Variants in PARD3B observed in about 807,000 individuals in gnomAD.
The protein encoded by PARD3B is partitioning defective 3 homolog B.
A neutral mutation model predicts 130.2 loss-of-function variants in PARD3B; 103 were observed. The ratio of observed to expected loss-of-function variants is 0.79; its 90% CI spans 0.67 to 0.93. The LOEUF (loss-of-function observed/expected upper bound fraction) is 0.93. Ranked by LOEUF, PARD3B falls within the 40% of genes least tolerant of loss-of-function variation. The pLI is 0.00. For synonymous variants in PARD3B, 583 were observed against 553.2 expected, an observed-to-expected ratio of 1.05 and a Z score of -0.76; for missense variants, 1,609 against 1,499.2, an observed-to-expected ratio of 1.07 and a Z score of -1.21.
chr2:205,065,964 C>A (rs757548718), intron 4 of PARD3B, among the ~76,000 whole-genome samples: 1 of 152,030 alleles, frequency 6.6e-6, no homozygotes, highest in Non-Finnish European at 1.5e-5. Flanking sequence ...TATTATCAGC[C>A]TCATTGAACA....
At chr2:205,489,018 A>G (rs1289975234) in intron 20 of PARD3B, among the ~76,000 whole-genome samples, 1 of 152,174 alleles carries the variant, frequency 6.6e-6, no homozygotes, top group African/African-American at 2.4e-5. Context: ...AATTGATCCA[A>G]ATCTATTTTT....
intron 19 of PARD3B, among the ~76,000 whole-genome samples, chr2:205,412,017 T>G (rs1424539267): frequency 2.6e-5 from 4 of 152,208 alleles, no homozygotes; most frequent in Non-Finnish European, 4.4e-5. Context: ...TTCCATTCTA[T>G]ATATTACATT....
chr2:204,962,710 A>C (rs1404681485), intron 2 of PARD3B, among the ~76,000 whole-genome samples: 1 of 152,182 alleles, frequency 6.6e-6, no homozygotes, highest in Non-Finnish European at 1.5e-5. Context: ...TGTTGAAACA[A>C]GCATTAAGTC....
At chr2:205,494,181 G>A (rs1225476724) in intron 20 of PARD3B, among the ~76,000 whole-genome samples, 2 of 152,186 alleles carry the variant, frequency 1.3e-5, no homozygotes, top group Non-Finnish European at 2.9e-5. Context: ...ACATCTTGAG[G>A]CTGTATGAAA....
rs1333501331 is a variant in PARD3B at position 205,280,522 on chromosome 2, C to A, written c.2186-20008C>A. 6.6e-6 allele frequency among the ~76,000 whole-genome samples: 1 copy of A among 152,150 alleles called. No homozygotes were observed. Among genetic ancestry groups the A allele is most frequent in the African/African-American group, 2.4e-5 (1 of 41,428 alleles). On this transcript the variant is annotated intron_variant, in intron 16 of 22. Transcript: ENST00000406610. The surrounding 1 kb of genome is among the most constrained non-coding windows in gnomAD (Gnocchi z 4.7). ...GAACTATTGAAAACCTTTTCTGTTT[C>A]CTTCTCTTTTTTCTTAAGGGAGGGC...
intron 2 of PARD3B, among the ~76,000 whole-genome samples, chr2:204,937,834 A>G (rs373880321): frequency 2.2e-4 from 34 of 152,322 alleles, no homozygotes; most frequent in South Asian, 1.0e-3. Context: ...GTAAATATGT[A>G]ATAAATGCTA....
At chr2:205,123,204 A>G (rs2030964713) in intron 8 of PARD3B, among the ~76,000 whole-genome samples, 1 of 152,236 alleles carries the variant, frequency 6.6e-6, no homozygotes. Flanking sequence ...ATGCATTAAT[A>G]AATGACTGGT....
chr2:204,773,509 C>T (rs1023252067), intron 2 of PARD3B, among the ~76,000 whole-genome samples: 1 of 152,036 alleles, frequency 6.6e-6, no homozygotes, highest in African/African-American at 2.4e-5. Context: ...ATTTACCATT[C>T]ACATCTTTTA....
At position 204,545,761 on chromosome 2, in the gene PARD3B, G is replaced by A. The variant is rs1574434269; in HGVS notation, c.-239G>A. On this transcript the variant is annotated 5_prime_UTR_variant, in exon 1 of 23. Transcript: ENST00000406610. Reference sequence around the variant, plus strand: ...GTGCCGCGGAGCTGCCGCGTCCCGGGCCGCCGGGCACCTGGGAGGTAACCC... The same window carrying A: ...GTGCCGCGGAGCTGCCGCGTCCCGGACCGCCGGGCACCTGGGAGGTAACCC... 1.5e-5 allele frequency: 6 copies of A among 399,450 alleles called. No individual in the cohort carries two copies. Among genetic ancestry groups the A allele is most frequent in the African/African-American group, 1.1e-4 (5 of 47,184 alleles). 24.7% of individuals were successfully genotyped at this position (399,450 alleles called of 1,614,324 possible).
chr2:205,498,420 T>C (rs2050025722), intron 20 of PARD3B, among the ~76,000 whole-genome samples: 1 of 151,762 alleles, frequency 6.6e-6, no homozygotes, highest in South Asian at 2.1e-4. Flanking sequence ...GAGAATTGCT[T>C]GAACCTAGGA....
intron 21 of PARD3B, among the ~76,000 whole-genome samples, chr2:205,542,354 TTGTGTGTGTGTG>T (rs143438143): frequency 6.2e-5 from 9 of 145,106 alleles, no homozygotes; most frequent in East Asian, 2.0e-4. Flanking sequence ...TAGTTTGTGT[TTGTGTGTGTGTG>T]TGTGTGTGTG....
chr2:204,781,156 C>G (rs1233871943), intron 2 of PARD3B, among the ~76,000 whole-genome samples: 1 of 152,062 alleles, frequency 6.6e-6, no homozygotes, highest in Non-Finnish European at 1.5e-5. Context: ...ATTTATAGAT[C>G]ATGAGCTGCA....
Position 205,104,484 on chromosome 2 carries a change from T to A in PARD3B, c.563T>A (p.Leu188Gln), listed in dbSNP as rs759399422. ...TTGAATGGTGTACAGACAGAACTACTAACTTCGCCAAGAACTAAGGACACA... is the reference window on the plus strand; with the variant it reads ...TTGAATGGTGTACAGACAGAACTACAAACTTCGCCAAGAACTAAGGACACA... ...EVLNGVQTELLTSPRTKDTLS... is the reference protein window; with the variant it reads ...EVLNGVQTELQTSPRTKDTLS... Residue 188 changes from leucine to glutamine, a missense_variant, in exon 5 of 23, where the codon CTA becomes CAA. Leu to Gln is a moderately radical substitution (Grantham distance 113, BLOSUM62 -2). Transcript: ENST00000406610. The A allele has an allele frequency of 5.0e-6, 8 of 1,592,916 alleles. No homozygotes were observed. The African/African-American group carries it at 8.1e-5, about 16-fold the overall frequency.
chr2:205,034,296 C>T (rs879768986), intron 3 of PARD3B, among the ~76,000 whole-genome samples: 3 of 152,208 alleles, frequency 2.0e-5, no homozygotes, highest in Admixed American at 1.3e-4. Context: ...CATCAAACAG[C>T]TTACAATGTG....
intron 16 of PARD3B, among the ~76,000 whole-genome samples, chr2:205,257,297 T>C (rs1559595060): frequency 2.0e-5 from 3 of 151,858 alleles, no homozygotes; most frequent in Admixed American, 1.3e-4. Flanking sequence ...CAAAGTTACC[T>C]TTTGAATGAA....
At position 205,301,465 on chromosome 2, in the gene PARD3B, C is replaced by T. The variant is rs892550148; in HGVS notation, c.2394C>T (p.Asp798=). Residue 798 remains aspartate, a splice_region_variant and synonymous_variant, in exon 18 of 23, where the codon GAC becomes GAT. Coordinates refer to ENST00000406610, the MANE Select transcript of PARD3B (RefSeq NM_001302769.2). The surrounding 1 kb of genome is among the most constrained non-coding windows in gnomAD (Gnocchi z 5.2). ...SYDGPEEIEA[D]GLSDKSSHSG... ...ATTGATTATTTTTTCTCTGTACAGACGGTCTGTCTGATAAGAGCTCTCACT... is the reference window on the plus strand; with the variant it reads ...ATTGATTATTTTTTCTCTGTACAGATGGTCTGTCTGATAAGAGCTCTCACT... The T allele has an allele frequency of 2.8e-5, 45 of 1,609,332 alleles. No individual in the cohort carries two copies. The highest frequency in any genetic ancestry group is 1.6e-4 in the East Asian group (7 of 44,830).
rs1024993970 is a variant in PARD3B, at chr2:205,176,984, T to G, written c.1924+407T>G. 6.6e-6 allele frequency among the ~76,000 whole-genome samples: 1 copy of G among 152,224 alleles called. No individual in the cohort carries two copies. Among genetic ancestry groups the G allele is most frequent in the South Asian group, 2.1e-4 (1 of 4,826 alleles). On this transcript the variant is annotated intron_variant, in intron 13 of 22. Transcript: ENST00000406610. The surrounding 1 kb of genome is among the most constrained non-coding windows in gnomAD (Gnocchi z 5.3). ...TGGTCATAGCGTGATTCACAGATGA[T>G]CCTCGATTCTAATATGAGTATGATA...
chr2:204,581,122 A>G (rs2032532823), intron 1 of PARD3B, among the ~76,000 whole-genome samples: 1 of 152,226 alleles, frequency 6.6e-6, no homozygotes, highest in Non-Finnish European at 1.5e-5. Context: ...GGCATGAAGC[A>G]CAAGAAGTCT....
At chr2:204,749,999 A>T (rs2040398392) in intron 2 of PARD3B, among the ~76,000 whole-genome samples, 1 of 152,142 alleles carries the variant, frequency 6.6e-6, no homozygotes, top group Admixed American at 6.6e-5. Flanking sequence ...TCTTGTCTCT[A>T]ATTGGGTTGA....
Sources: gnomAD v4.1 joint callset for allele counts (sites outside exome capture counted in the v4.1 genomes callset) on GRCh38, gnomAD v4.1.1 for gene constraint, Gnocchi (gnomAD v3.1) non-coding constraint, MANE v1.5 for transcripts, NCBI Gene and HGNC (gene_info 2026-07-23, HGNC 2026-07-21) for gene names.